FAT4: variants seen among roughly 807,000 people sequenced by gnomAD.
FAT4 encodes FAT atypical cadherin 4, also known as protocadherin Fat 4.
Under a neutral mutation model 303.9 loss-of-function variants are expected in FAT4, and 84 were observed. The observed-to-expected ratio is 0.28, with a 90% confidence interval of 0.23 to 0.33. The LOEUF is 0.33. Ranked by LOEUF, FAT4 falls within the 10% of genes least tolerant of loss-of-function variation. The pLI, the probability that FAT4 is intolerant of heterozygous loss-of-function variation, is 1.00. For synonymous variants in FAT4, 2,307 were observed against 2,298.8 expected (o/e 1.00, Z -0.10); for missense variants, 6,005 against 6,146.8 (o/e 0.98, Z 0.77).
chr4:125,319,895 G>T lies in FAT4; in HGVS notation c.3484G>T (p.Asp1162Tyr). 6.2e-7 allele frequency: 1 copy of T among 1,614,112 alleles called. No homozygotes were observed. The highest frequency in any genetic ancestry group is 8.5e-7 in the Non-Finnish European group (1 of 1,180,032). The change falls in exon 2 of 18, where the codon GAC becomes TAC. Residue 1162 changes from aspartate to tyrosine, a missense_variant. Transcript: ENST00000394329. ...SGEITNTHQFDRESLMRRRGT... is the reference protein window; with the variant it reads ...SGEITNTHQFYRESLMRRRGT... Reference sequence around the variant, plus strand: ...GGAAATTACAAATACTCATCAGTTTGACAGGGAGTCTCTTATGAGGCGGAG... The same window carrying T: ...GGAAATTACAAATACTCATCAGTTTTACAGGGAGTCTCTTATGAGGCGGAG...
At chr4:125,398,687 T>C (rs1374783227) in intron 2 of FAT4, 97 bp from the exon 3 acceptor site, 3 of 1,195,916 alleles carry the variant, frequency 2.5e-6, no homozygotes, top group Non-Finnish European at 3.6e-6. Flanking sequence ...CAATTCATTT[T>C]GGCAGTCTTG....
chr4:125,326,642 G>C (rs1013798182), intron 2 of FAT4, among the ~76,000 whole-genome samples: 89 of 152,296 alleles, frequency 5.8e-4, no homozygotes, highest in Non-Finnish European at 2.2e-4. Flanking sequence ...AGCTGGATCA[G>C]TCTGTGGTTT....
In FAT4 at chr4:125,449,540, A is replaced by G; in HGVS notation, c.8530A>G (p.Arg2844Gly). ...AAATAGGGAAGATACAGACCGTTAC[A>G]GAATTCGAGTTTCCGCACATGATTC... is the stretch of plus-strand genomic sequence containing the variant. ...PLNREDTDRY[R>G]IRVSAHDSGW... is the part of the protein sequence containing the mutation. Residue 2844 changes from arginine (R) to glycine (G), a missense_variant, in exon 10 of 18, where the codon AGA (arginine) becomes GGA (glycine). Transcript: ENST00000394329. The G allele has an allele frequency of 6.2e-7, 1 of 1,613,634 alleles. No individual in the cohort carries two copies.
Position 125,448,306 on chromosome 4 carries a change from C to T in FAT4, c.7451-155C>T, listed in dbSNP as rs4834041. Among the ~76,000 whole-genome samples the T allele has an allele frequency of 0.99, 151,198 of 152,224 alleles. 75,095 individuals are homozygous for T. Among genetic ancestry groups the T allele is most frequent in the Middle Eastern group, 1 (294 of 294 alleles). ...CATAGAGCAGATTTGACTTGTGAACCTCGGAGAAAATATAGGAGATACTGT... is the reference window on the plus strand; with the variant it reads ...CATAGAGCAGATTTGACTTGTGAACTTCGGAGAAAATATAGGAGATACTGT... On this transcript the variant is annotated intron_variant, in intron 9 of 17. Transcript: ENST00000394329.
chr4:125,399,148 A>C (rs1734291917), intron 3 of FAT4, among the ~76,000 whole-genome samples: 1 of 152,040 alleles, frequency 6.6e-6, no homozygotes. Context: ...CTTGCACTTT[A>C]GGTTACTTAG....
rs760303231 is a variant in FAT4 at position 125,408,624 on chromosome 4, G to A, written c.5750G>A (p.Arg1917Gln). The change falls in exon 5 of 18, where the codon CGA becomes CAA. Residue 1917 changes from arginine to glutamine, a missense_variant. Coordinates refer to ENST00000394329, the MANE Select transcript of FAT4 (RefSeq NM_001291303.3). ...EVQQYYILTV[R>Q]AEDGGGQFTT... is the part of the protein sequence containing the mutation. ...CAGCAATATTATATCCTCACTGTTC[G>A]AGCAGAAGATGGTGGGGGACAATTT... is the stretch of plus-strand genomic sequence containing the variant. The A allele has an allele frequency of 5.0e-6, 8 of 1,611,970 alleles. No individual in the cohort carries two copies. The highest frequency in any genetic ancestry group is 3.3e-5 in the South Asian group (3 of 90,998).
chr4:125,357,678 G>A (rs1732485956), intron 2 of FAT4, among the ~76,000 whole-genome samples: 1 of 152,066 alleles, frequency 6.6e-6, no homozygotes, highest in Non-Finnish European at 1.5e-5. Flanking sequence ...TGCAATTTAG[G>A]CTTAGGGAGT....
intron 2 of FAT4, among the ~76,000 whole-genome samples, chr4:125,376,205 T>C (rs1733311826): frequency 6.6e-6 from 1 of 152,272 alleles, no homozygotes; most frequent in South Asian, 2.1e-4. Context: ...TATTTTTACA[T>C]TTTAAAGTAG....
chr4:125,376,931 T>C (rs568444880), intron 2 of FAT4, among the ~76,000 whole-genome samples: 19 of 152,030 alleles, frequency 1.2e-4, no homozygotes, highest in East Asian at 7.7e-4. Context: ...ATAGAAGAAA[T>C]TGGTTGGATG....
chr4:125,408,607 T>C lies in FAT4; in HGVS notation c.5733T>C (p.Tyr1911=). The C allele has an allele frequency of 6.2e-7, 1 of 1,612,832 alleles. No homozygotes were observed. Residue 1911 remains tyrosine (Y), a synonymous_variant, in exon 5 of 18, where the codon TAT becomes TAC. Transcript: ENST00000394329. ...TATTAGATTATGAAGTACAGCAATA[T>C]TATATCCTCACTGTTCGAGCAGAAG... ...TRLLDYEVQQ[Y]YILTVRAEDG...
Position 125,319,837 on chromosome 4 carries a change from G to A in FAT4, c.3426G>A (p.Val1142=). The change falls in exon 2 of 18, where the codon GTG becomes GTA. Residue 1142 remains valine, a synonymous_variant. Coordinates refer to ENST00000394329, the MANE Select transcript of FAT4 (RefSeq NM_001291303.3). ...AAGTAAGGTATTCTTTTGAAATGGT[G>A]CAGCCAGATTTTGAGTTGCATGCCA... ...NGEVRYSFEM[V]QPDFELHAIS... 1 of 1,614,138 alleles carries A rather than the reference G, an allele frequency of 6.2e-7. No homozygotes were observed. The highest frequency in any genetic ancestry group is 1.1e-5 in the South Asian group (1 of 91,084).
chr4:125,367,998 T>A (rs779099501), intron 2 of FAT4, among the ~76,000 whole-genome samples: 2 of 152,158 alleles, frequency 1.3e-5, no homozygotes, highest in Non-Finnish European at 2.9e-5. Flanking sequence ...CAGTCCAGTT[T>A]TTTTCCCCCT....
At chr4:125,376,049 T>C (rs1031554422) in intron 2 of FAT4, among the ~76,000 whole-genome samples, 5 of 152,202 alleles carry the variant, frequency 3.3e-5, no homozygotes, top group African/African-American at 1.2e-4. Context: ...ACACTTGTAA[T>C]GGAGAGCTTA....
chr4:125,337,780 G>GA (rs199771093), intron 2 of FAT4, among the ~76,000 whole-genome samples: 1 of 151,886 alleles, frequency 6.6e-6, no homozygotes, highest in South Asian at 2.1e-4. Context: ...GGGAACTTGG[G>GA]AAGAAAAATA....
rs1221303871 is a variant in FAT4 at position 125,320,449 on chromosome 4, C to A, written c.4038C>A (p.Asp1346Glu). The change falls in exon 2 of 18, where the codon GAC becomes GAA. Residue 1346 changes from aspartate (D) to glutamate (E), a missense_variant. Transcript: ENST00000394329. The part of the protein sequence containing the change: ...SVTATDSDSG[D>E]NADLYYSITG... ...CTGCAACTGATTCCGATTCAGGTGA[C>A]AATGCTGATTTATATTACAGTATTA... 21 of 1,613,928 alleles carry A rather than the reference C, an allele frequency of 1.3e-5. No homozygotes were observed. The highest frequency in any genetic ancestry group is 1.8e-5 in the Non-Finnish European group (21 of 1,179,794).
At position 125,452,210 on chromosome 4, in the gene FAT4, C is replaced by A. The variant is rs1303852789; in HGVS notation, c.11200C>A (p.His3734Asn). 6.2e-7 allele frequency: 1 copy of A among 1,614,102 alleles called. No individual in the cohort carries two copies. Among genetic ancestry groups the A allele is most frequent in the African/African-American group, 1.3e-5 (1 of 74,944 alleles). Residue 3734 changes from histidine (H) to asparagine (N), a missense_variant, in exon 10 of 18, where the codon CAT (histidine) becomes AAT (asparagine). Transcript: ENST00000394329. ...VKDFLTNHYL[H>N]FLRIASSQLT... ...GGACTTCTTGACCAACCACTATCTTCATTTTTTACGCATTGCCAGCTCACA... is the reference window on the plus strand; with the variant it reads ...GGACTTCTTGACCAACCACTATCTTAATTTTTTACGCATTGCCAGCTCACA...
chr4:125,451,799 T>G lies in FAT4; in HGVS notation c.10789T>G (p.Ser3597Ala). The G allele has an allele frequency of 6.2e-7, 1 of 1,614,176 alleles. No individual in the cohort carries two copies. The highest frequency in any genetic ancestry group is 8.5e-7 in the Non-Finnish European group (1 of 1,180,026). Residue 3597 changes from serine to alanine, a missense_variant, in exon 10 of 18, where the codon TCT becomes GCT. Physicochemically the swap from Ser to Ala is moderately conservative, Grantham distance 99. Transcript: ENST00000394329. ...VTKDSGVPQM[S>A]STGTVHITVI... ...CAAGGATTCTGGTGTTCCTCAAATG[T>G]CTTCCACAGGAACTGTGCATATCAC...
In FAT4 at chr4:125,448,488, C is replaced by T. The variant is rs748070476; in HGVS notation, c.7478C>T (p.Thr2493Ile). The T allele has an allele frequency of 1.2e-6, 2 of 1,609,880 alleles. No homozygotes were observed. The highest frequency in any genetic ancestry group is 1.7e-6 in the Non-Finnish European group (2 of 1,177,298). Residue 2493 changes from threonine (T) to isoleucine (I), a missense_variant, in exon 10 of 18, where the codon ACA becomes ATA. Physicochemically the swap from Thr to Ile is moderately conservative, Grantham distance 89 (BLOSUM62 -1). Coordinates refer to ENST00000394329, the MANE Select transcript of FAT4 (RefSeq NM_001291303.3). ...TCCTTTGTCTTTGCGGTTACAGTCA[C>T]AGATGCTGATATTGGACCAAATTCT... ...PGSFVFAVTVTDADIGPNSEL... is the reference protein window; with the variant it reads ...PGSFVFAVTVIDADIGPNSEL...
At chr4:125,380,157 T>C (rs1337627502) in intron 2 of FAT4, among the ~76,000 whole-genome samples, 2 of 152,068 alleles carry the variant, frequency 1.3e-5, no homozygotes, top group African/African-American at 4.8e-5. Flanking sequence ...CCTCCCAAAG[T>C]GCTGGGATTA....
Sources: allele counts gnomAD v4.1 joint callset (sites outside exome capture counted in the v4.1 genomes callset), GRCh38; gene constraint gnomAD v4.1.1; transcripts MANE v1.5; gene names NCBI Gene and HGNC (gene_info 2026-07-23, HGNC 2026-07-21).